Variants in SLC44A5 observed in about 807,000 individuals in gnomAD.
SLC44A5 encodes the protein choline transporter-like protein 5.
SLC44A5 carries 57 observed loss-of-function variants against 101.8 expected under a neutral mutation model. The observed-to-expected ratio is 0.56, with a 90% CI of 0.45 to 0.70. SLC44A5 has a LOEUF of 0.70. Among genes scored for constraint, SLC44A5 ranks in the 30% least tolerant of loss-of-function variants. SLC44A5 has a pLI of 0.00. For synonymous variants in SLC44A5, 281 were observed against 290.9 expected, an observed-to-expected ratio of 0.97 and a Z score of 0.35; for missense variants, 737 against 853.1, an observed-to-expected ratio of 0.86 and a Z score of 1.70.
At chr1:75,657,419 C>T in the SLC44A5 span, among the ~76,000 whole-genome samples, 10 of 151,662 alleles carry the variant, frequency 6.6e-5, no homozygotes, top group African/African-American at 2.4e-4. Flanking sequence ...TATAGTGGCA[C>T]ATGTCTGTAG....
At chr1:75,582,110 G>C (rs1035885505) in intron 1 of SLC44A5, 2 of 732,886 alleles carry the variant, frequency 2.7e-6, no homozygotes, top group African/African-American at 3.4e-5. Context: ...CCAAGTCCAA[G>C]AACCACACCA....
the SLC44A5 span, among the ~76,000 whole-genome samples, chr1:75,717,762 G>A: frequency 6.6e-6 from 1 of 152,172 alleles, no homozygotes; most frequent in African/African-American, 2.4e-5. Context: ...AAATTGATGG[G>A]GTTAAAACAA....
At chr1:75,666,495 A>G in the SLC44A5 span, among the ~76,000 whole-genome samples, 1 of 152,214 alleles carries the variant, frequency 6.6e-6, no homozygotes, top group Non-Finnish European at 1.5e-5. Flanking sequence ...TTCACAGCCA[A>G]GTTCTACCAG....
intron 2 of SLC44A5, among the ~76,000 whole-genome samples, chr1:75,417,361 G>A (rs1391248243): frequency 2.6e-5 from 4 of 152,188 alleles, no homozygotes; most frequent in Non-Finnish European, 5.9e-5. Context: ...ACAGCCACAT[G>A]GAACTGTAAG....
intron 1 of SLC44A5, among the ~76,000 whole-genome samples, chr1:75,587,650 C>T (rs1674091069): frequency 1.3e-5 from 2 of 152,216 alleles, no homozygotes; most frequent in South Asian, 4.1e-4. Context: ...CTCTTTTTCA[C>T]ATTAGGCCTC....
the SLC44A5 span, among the ~76,000 whole-genome samples, chr1:75,681,029 C>G: frequency 4.4e-3 from 658 of 150,574 alleles, 6 homozygotes; most frequent in East Asian, 0.042. Flanking sequence ...GGATAAATTC[C>G]TTGACACATA....
Position 75,213,978 on chromosome 1 carries a change from G to A in SLC44A5, c.1814C>T (p.Thr605Ile). 1 of 1,586,580 alleles carries A rather than the reference G, an allele frequency of 6.3e-7. No individual in the cohort carries two copies. Among genetic ancestry groups the A allele is most frequent in the Non-Finnish European group, 8.6e-7 (1 of 1,161,690 alleles). ...LMRNVLKVAV[T>I]DEVTYFVLFL... ...TAATACAAAGTATGTAACTTCATCT[G>A]TAACTGCAACTCTGAGTATCAGAAA... Residue 605 changes from threonine (T) to isoleucine (I), a missense_variant, in exon 21 of 24, where the codon ACA (threonine) becomes ATA (isoleucine). Transcript: ENST00000370859.
chr1:75,416,532 C>T (rs1663657599), intron 2 of SLC44A5, among the ~76,000 whole-genome samples: 1 of 152,214 alleles, frequency 6.6e-6, no homozygotes. Flanking sequence ...TACTGGGGCA[C>T]CACCTAGCGG....
chr1:75,300,548 G>A lies in SLC44A5; in HGVS notation c.175+64C>T. 6.4e-6 allele frequency: 7 copies of A among 1,086,570 alleles called. No individual in the cohort carries two copies. In the Admixed American group the frequency reaches 9.1e-5, roughly 14 times the overall value. The allele number at this position is 1,086,570 out of a possible 1,614,324, so 67.3% of individuals were successfully genotyped here. On this transcript the variant is annotated intron_variant, in intron 5 of 23. Transcript: ENST00000370859. ...GAAGACAATAATTAATTTTTTATAT[G>A]TGACACTGACTTAGTTATTCCATTA...
At chr1:75,401,232 T>G (rs1176577286) in intron 2 of SLC44A5, among the ~76,000 whole-genome samples, 2 of 152,212 alleles carry the variant, frequency 1.3e-5, no homozygotes, top group East Asian at 1.9e-4. Context: ...TTCCTTTAAT[T>G]TATTCACTCA....
chr1:75,534,272 T>C (rs966930125), intron 2 of SLC44A5, among the ~76,000 whole-genome samples: 10 of 152,012 alleles, frequency 6.6e-5, no homozygotes, highest in African/African-American at 1.5e-4. Flanking sequence ...GAGTCACTTA[T>C]GTAAAAAAGA....
chr1:75,341,968 C>T (rs1052214483), intron 3 of SLC44A5, among the ~76,000 whole-genome samples: 2 of 152,184 alleles, frequency 1.3e-5, no homozygotes, highest in Admixed American at 1.3e-4. Context: ...GATGCACAGA[C>T]AGATTTGGGA....
the SLC44A5 span, chr1:75,641,541 G>C: frequency 1.3e-6 from 2 of 1,494,598 alleles, no homozygotes. Context: ...TCTACAAATG[G>C]CTTTTGAAAA....
At chr1:75,560,156 A>G (rs796149300) in intron 1 of SLC44A5, among the ~76,000 whole-genome samples, 11 of 152,312 alleles carry the variant, frequency 7.2e-5, no homozygotes, top group African/African-American at 2.6e-4. Context: ...GAACTACCAT[A>G]TGATACAACA....
At chr1:75,619,716 T>C in the SLC44A5 span, among the ~76,000 whole-genome samples, 1 of 152,164 alleles carries the variant, frequency 6.6e-6, no homozygotes, top group African/African-American at 2.4e-5. Flanking sequence ...TGAGTATGGT[T>C]CTAATTCTGA....
At chr1:75,462,025 T>C (rs998518919) in intron 2 of SLC44A5, among the ~76,000 whole-genome samples, 1 of 152,194 alleles carries the variant, frequency 6.6e-6, no homozygotes, top group African/African-American at 2.4e-5. Flanking sequence ...TAGAGCCCTA[T>C]GGCACTGAGC....
intron 3 of SLC44A5, among the ~76,000 whole-genome samples, chr1:75,373,878 A>G (rs1006924711): frequency 6.6e-6 from 1 of 152,090 alleles, no homozygotes; most frequent in African/African-American, 2.4e-5. Flanking sequence ...ATTCAAGCAC[A>G]CTACCCAGGG....
chr1:75,358,606 A>G (rs1286660595), intron 3 of SLC44A5, among the ~76,000 whole-genome samples: 1 of 152,180 alleles, frequency 6.6e-6, no homozygotes, highest in Admixed American at 6.6e-5. Flanking sequence ...ATATTCCTTT[A>G]GCAAATTTCA....
intron 2 of SLC44A5, among the ~76,000 whole-genome samples, chr1:75,413,530 A>G (rs1174540050): frequency 1.3e-5 from 2 of 152,164 alleles, no homozygotes; most frequent in African/African-American, 2.4e-5. Context: ...ATTATCTGGG[A>G]TCTCATATAT....
Sources: gnomAD v4.1 joint callset for allele counts (sites outside exome capture counted in the v4.1 genomes callset) on GRCh38, gnomAD v4.1.1 for gene constraint, MANE v1.5 for transcripts, NCBI Gene and HGNC (gene_info 2026-07-23, HGNC 2026-07-21) for gene names.